Variants in BLNK observed in about 807,000 individuals in gnomAD.
The protein encoded by BLNK is B cell linker, also known as B-cell linker protein.
In BLNK, 29 loss-of-function variants were observed where a neutral mutation model predicts 73.5. The ratio of observed to expected loss-of-function variants is 0.39; its 90% CI spans 0.29 to 0.54. The LOEUF is 0.54. Among genes scored for constraint, BLNK ranks in the 20% least tolerant of loss-of-function variants. The pLI, the probability that BLNK is intolerant of heterozygous loss-of-function variation, is 0.61. For synonymous variants in BLNK, 176 were observed against 200.8 expected (o/e 0.88, Z 1.04); for missense variants, 460 against 562.8 (o/e 0.82, Z 1.85).
Position 96,260,765 on chromosome 10 carries a change from G to A in BLNK, c.47+10587C>T, listed in dbSNP as rs1229011657. ...GAATGTCTTGTATGTAGGGGTAGGGGTGAAAGGAAGCATTGTAATTCATTA... is the reference window on the plus strand; with the variant it reads ...GAATGTCTTGTATGTAGGGGTAGGGATGAAAGGAAGCATTGTAATTCATTA... On this transcript the variant is annotated intron_variant, in intron 1 of 16. Transcript: ENST00000224337. 2.6e-5 allele frequency among the ~76,000 whole-genome samples: 4 copies of A among 152,260 alleles called. No homozygotes were observed. In the East Asian group the frequency reaches 7.7e-4, roughly 29 times the overall value.
chr10:96,190,308 C>T lies in BLNK; in HGVS notation c.*1665G>A, dbSNP rs117745343. The T allele has an allele frequency of 3.5e-4, 218 of 621,506 alleles. No individual in the cohort carries two copies. The East Asian group carries it at 5.8e-3, about 16-fold the overall frequency. The allele number at this position is 621,506 out of a possible 1,614,324, so 38.5% of individuals were successfully genotyped here. On this transcript the variant is annotated 3_prime_UTR_variant, in exon 17 of 17. Coordinates refer to ENST00000224337, the MANE Select transcript of BLNK (RefSeq NM_013314.4). ...AGAACAGCCATACAGGATGGAATCA[C>T]GCCAGTAGTATTGTTCCTGTGTGTC...
rs782608058 is a variant in BLNK, at chr10:96,192,033, A to T, written c.1311T>A (p.Ile437=). 3.7e-6 allele frequency: 6 copies of T among 1,613,686 alleles called. No individual in the cohort carries two copies. The African/African-American group carries it at 8.0e-5, about 22-fold the overall frequency. The part of the protein sequence containing the change: ...RNHQHSPLVL[I]DSQNNTKDST... ...AATCTTTTGTGTTATTCTGACTGTC[A>T]ATAAGAACCAAAGGACTATGTTGAT... The change falls in exon 17 of 17, where the codon ATT becomes ATA. Residue 437 remains isoleucine (I), a synonymous_variant. Coordinates refer to ENST00000224337, the MANE Select transcript of BLNK (RefSeq NM_013314.4).
intron 3 of BLNK, among the ~76,000 whole-genome samples, chr10:96,241,734 C>CTTT (rs34238526): frequency 7.0e-6 from 1 of 142,540 alleles, no homozygotes; most frequent in Non-Finnish European, 1.5e-5. Context: ...TCTTTTCTTT[C>CTTT]TTTTTTTTTT....
At chr10:96,221,859 T>A (rs1212239609) in intron 6 of BLNK, among the ~76,000 whole-genome samples, 2 of 151,656 alleles carry the variant, frequency 1.3e-5, no homozygotes, top group African/African-American at 4.8e-5. Context: ...TAAGAAGGAG[T>A]GTGTGCAGGG....
intron 1 of BLNK, among the ~76,000 whole-genome samples, chr10:96,268,069 A>T (rs1410106115): frequency 6.6e-6 from 1 of 152,184 alleles, no homozygotes; most frequent in Non-Finnish European, 1.5e-5. Flanking sequence ...GAAAAATGCC[A>T]TACTCTTTAA....
At chr10:96,230,860 G>T (rs1554903829) in intron 3 of BLNK, 26 bp from the exon 4 acceptor site, 1 of 1,609,210 alleles carries the variant, frequency 6.2e-7, no homozygotes, top group South Asian at 1.1e-5. Flanking sequence ...AGAAGCAGAA[G>T]GCACAAGTGT....
chr10:96,245,641 T>C (rs1315673643), intron 2 of BLNK, among the ~76,000 whole-genome samples: 1 of 152,214 alleles, frequency 6.6e-6, no homozygotes, highest in Non-Finnish European at 1.5e-5. Context: ...AAGAATATGG[T>C]TAATTTTTAC....
At chr10:96,265,635 G>A (rs1358904449) in intron 1 of BLNK, among the ~76,000 whole-genome samples, 3 of 152,152 alleles carry the variant, frequency 2.0e-5, no homozygotes, top group South Asian at 2.1e-4. Context: ...ATCCCAGACC[G>A]GAAACCCAGT....
In BLNK at chr10:96,228,023, A is replaced by G. The variant is rs1439522195; in HGVS notation, c.205-457T>C. On this transcript the variant is annotated intron_variant, in intron 4 of 16. Transcript: ENST00000224337. ...ATATCTTTCAGATGAGATTTTTTAA[A>G]AATTTCAAGCAGAATTGGTAAGCTG... is the stretch of plus-strand genomic sequence containing the variant. Among the ~76,000 whole-genome samples, 5 of 152,062 alleles carry G rather than the reference A, an allele frequency of 3.3e-5. No individual in the cohort carries two copies. The East Asian group carries it at 9.6e-4, about 29-fold the overall frequency.
intron 1 of BLNK, among the ~76,000 whole-genome samples, chr10:96,253,550 T>C (rs1344406059): frequency 6.6e-6 from 1 of 152,228 alleles, no homozygotes; most frequent in African/African-American, 2.4e-5. Flanking sequence ...CAGTGTTTTC[T>C]AGAGTAAGGT....
At position 96,196,962 on chromosome 10, in the gene BLNK, T is replaced by C. The variant is rs782319580; in HGVS notation, c.1197A>G (p.Arg399=). ...FNKRVYNIPV[R]FIEATKQYAL... ...CATATTGTTTTGTTGCTTCAATAAA[T>C]CGCACAGGAATATTATATACTCGCT... The change falls in exon 16 of 17, where the codon CGA becomes CGG. Residue 399 remains arginine, a synonymous_variant. Coordinates refer to ENST00000224337, the MANE Select transcript of BLNK (RefSeq NM_013314.4). 1.9e-6 allele frequency: 3 copies of C among 1,613,616 alleles called. No individual in the cohort carries two copies. Among genetic ancestry groups the C allele is most frequent in the Non-Finnish European group, 2.5e-6 (3 of 1,179,784 alleles).
intron 6 of BLNK, among the ~76,000 whole-genome samples, chr10:96,218,670 C>A (rs749581004): frequency 6.2e-5 from 8 of 129,760 alleles, no homozygotes; most frequent in African/African-American, 1.5e-4. Flanking sequence ...CAGAATGAGA[C>A]CTTGTCTCCA....
intron 1 of BLNK, among the ~76,000 whole-genome samples, chr10:96,260,318 C>G (rs1554912397): frequency 6.6e-6 from 1 of 152,160 alleles, no homozygotes; most frequent in East Asian, 1.9e-4. Flanking sequence ...GTGCTGACAG[C>G]TGCACCGTGC....
intron 1 of BLNK, among the ~76,000 whole-genome samples, chr10:96,269,312 G>A (rs1844161338): frequency 6.6e-6 from 1 of 151,818 alleles, no homozygotes; most frequent in Non-Finnish European, 1.5e-5. Context: ...CCAAAGGGAG[G>A]AATCATAAAA....
rs190056811 is a variant in BLNK, at chr10:96,257,959, G to T, written c.48-10910C>A. ...CCTCTCAGGTCACTCCTGTCTTAAAGCTGAAGTTTTCAGCCACCAACCCAT... is the reference window on the plus strand; with the variant it reads ...CCTCTCAGGTCACTCCTGTCTTAAATCTGAAGTTTTCAGCCACCAACCCAT... On this transcript the variant is annotated intron_variant, in intron 1 of 16. Transcript: ENST00000224337. Among the ~76,000 whole-genome samples, 53 of 152,320 alleles carry T rather than the reference G, an allele frequency of 3.5e-4. 1 individual carries two copies. Among genetic ancestry groups the T allele is most frequent in the Admixed American group, 3.1e-3 (48 of 15,294 alleles).
In BLNK at chr10:96,190,438, C is replaced by T. The variant is rs2083310880; in HGVS notation, c.*1535G>A. Reference sequence around the variant, plus strand: ...CCCTACTGACCTCATCTTACCTTGACTATATCTGTAAAGACCTCATTCCCA... The same window carrying T: ...CCCTACTGACCTCATCTTACCTTGATTATATCTGTAAAGACCTCATTCCCA... On this transcript the variant is annotated 3_prime_UTR_variant, in exon 17 of 17. Transcript: ENST00000224337. Among the ~76,000 whole-genome samples, 1 of 152,216 alleles carries T rather than the reference C, an allele frequency of 6.6e-6. No homozygotes were observed. The highest frequency in any genetic ancestry group is 2.4e-5 in the African/African-American group (1 of 41,462).
rs1480886328 is a variant in BLNK, at chr10:96,190,160, A to C, written c.*1813T>G. The C allele has an allele frequency of 2.2e-5, 20 of 899,320 alleles. No individual in the cohort carries two copies. The East Asian group carries it at 4.8e-4, about 22-fold the overall frequency. The allele number at this position is 899,320 out of a possible 1,614,324, so 55.7% of individuals were successfully genotyped here. A position where few individuals can be genotyped will look rare whatever the true frequency, so the allele number is the denominator to read the frequency against. ...TCATCTTTGTCGGCCTTTAGTTCAC[A>C]ACTGAAAAGATAGTTCTGGGCCTCA... is the stretch of plus-strand genomic sequence containing the variant. On this transcript the variant is annotated 3_prime_UTR_variant, in exon 17 of 17. Transcript: ENST00000224337.
At chr10:96,222,852 A>G (rs1390470540) in intron 6 of BLNK, among the ~76,000 whole-genome samples, 1 of 152,182 alleles carries the variant, frequency 6.6e-6, no homozygotes, top group African/African-American at 2.4e-5. Flanking sequence ...TACAGTGGGT[A>G]TAATAGCTAG....
chr10:96,204,460 C>T (rs1277588144), intron 12 of BLNK, 72 bp downstream of exon 12: 1 of 1,470,078 alleles, frequency 6.8e-7, no homozygotes, highest in Non-Finnish European at 9.5e-7. Context: ...TGTCACTGTG[C>T]AGTGAAACAA....
Sources: allele counts gnomAD v4.1 joint callset (sites outside exome capture counted in the v4.1 genomes callset), GRCh38; gene constraint gnomAD v4.1.1; transcripts MANE v1.5; gene names NCBI Gene and HGNC (gene_info 2026-07-23, HGNC 2026-07-21).